ADAP1: variants seen among roughly 807,000 people sequenced by gnomAD.
ADAP1 encodes arf-GAP with dual PH domain-containing protein 1.
Under a neutral mutation model 54.9 loss-of-function variants are expected in ADAP1, and 31 were observed. The observed-to-expected ratio is 0.56, with a 90% confidence interval of 0.42 to 0.76. The LOEUF is 0.76. Ranked by LOEUF, ADAP1 falls within the 30% of genes least tolerant of loss-of-function variation. The pLI is 0.00. For missense variants in ADAP1, 535 were observed against 512.4 expected (o/e 1.04, Z -0.42); for synonymous variants, 313 against 202.6 (o/e 1.55, Z -4.63).
In ADAP1 at chr7:898,755, G is replaced by A; in HGVS notation, c.*166C>T. Reference sequence around the variant, plus strand: ...CTGGGCTGCCTGCCTTGAGGTTCCAGAGAAGCATCCTGGAAGCTGAAGCTC... The same window carrying A: ...CTGGGCTGCCTGCCTTGAGGTTCCAAAGAAGCATCCTGGAAGCTGAAGCTC... On this transcript the variant is annotated 3_prime_UTR_variant, in exon 11 of 11. Coordinates refer to ENST00000265846, the MANE Select transcript of ADAP1 (RefSeq NM_006869.4). 6 of 871,616 alleles carry A rather than the reference G, an allele frequency of 6.9e-6. No homozygotes were observed. The highest frequency in any genetic ancestry group is 1.1e-5 in the Non-Finnish European group (6 of 563,624). The allele number at this position is 871,616 out of a possible 1,614,324, so 54.0% of individuals were successfully genotyped here. A position where few individuals can be genotyped will look rare whatever the true frequency, so the allele number is the denominator to read the frequency against.
At chr7:922,207 G>A (rs1294520426) in intron 3 of ADAP1, among the ~76,000 whole-genome samples, 1 of 152,296 alleles carries the variant, frequency 6.6e-6, no homozygotes, top group Non-Finnish European at 1.5e-5. Context: ...AGCCGGGACG[G>A]AGAGCCACCA....
Position 900,617 on chromosome 7 carries a change from C to T in ADAP1, c.649-1G>A. On this transcript the variant is annotated splice_acceptor_variant, in intron 6 of 10. Transcript: ENST00000265846. LOFTEE classifies it high-confidence loss of function. ...GTGCATTGAACCAGTCCACAATCTC[C>T]TAGGGGCAAAGGTGGGCACAGGCTT... 6.8e-7 allele frequency: 1 copy of T among 1,481,458 alleles called. No homozygotes were observed. Among genetic ancestry groups the T allele is most frequent in the Non-Finnish European group, 9.1e-7 (1 of 1,101,954 alleles). 91.8% of individuals were successfully genotyped at this position (1,481,458 alleles called of 1,614,324 possible). A position where few individuals can be genotyped will look rare whatever the true frequency, so the allele number is the denominator to read the frequency against.
In ADAP1 at chr7:898,735, C is replaced by G; in HGVS notation, c.*186G>C. 2 of 725,778 alleles carry G rather than the reference C, an allele frequency of 2.8e-6. No individual in the cohort carries two copies. The highest frequency in any genetic ancestry group is 1.8e-5 in the African/African-American group (1 of 56,798). The allele number at this position is 725,778 out of a possible 1,614,324, so 45.0% of individuals were successfully genotyped here. A position where few individuals can be genotyped will look rare whatever the true frequency, so the allele number is the denominator to read the frequency against. On this transcript the variant is annotated 3_prime_UTR_variant, in exon 11 of 11. Transcript: ENST00000265846. The stretch of plus-strand genomic sequence containing the variant: ...TTAGAGATCAGGCCCAGGGCCTGGG[C>G]TGCCTGCCTTGAGGTTCCAGAGAAG...
chr7:951,781 A>T (rs895389385), intron 1 of ADAP1, among the ~76,000 whole-genome samples: 1 of 152,236 alleles, frequency 6.6e-6, no homozygotes, highest in African/African-American at 2.4e-5. Flanking sequence ...CCGGGGCATC[A>T]GATGGCCTGA....
chr7:910,431 T>C (rs1416043705), intron 4 of ADAP1, among the ~76,000 whole-genome samples: 2 of 152,108 alleles, frequency 1.3e-5, no homozygotes, highest in Non-Finnish European at 2.9e-5. Context: ...TGTATTTTTT[T>C]GTAGAGATGG....
intron 3 of ADAP1, chr7:923,068 C>G (rs1846247879): frequency 6.6e-6 from 1 of 152,184 alleles, no homozygotes; most frequent in African/African-American, 2.4e-5. Flanking sequence ...AATTAGGACA[C>G]AGACAGGTAC....
Position 900,704 on chromosome 7 carries a change from C to CCCCACAGAGGGGCT in ADAP1, c.649-89_649-88insAGCCCCTCTGTGGG, listed in dbSNP as rs1844758428. Reference sequence around the variant, plus strand: ...GGGGCTGGGGTCCCCACAGAGGGGCCGCTTCCCCCAGAGCCCAGCCCCTTC... The same window carrying CCCCACAGAGGGGCT: ...GGGGCTGGGGTCCCCACAGAGGGGCCCCCACAGAGGGGCTGCTTCCCCCAGAGCCCAGCCCCTTC... On this transcript the variant is annotated intron_variant, in intron 6 of 10. Coordinates refer to ENST00000265846, the MANE Select transcript of ADAP1 (RefSeq NM_006869.4). The CCCCACAGAGGGGCT allele has an allele frequency of 1.0e-5, 9 of 887,546 alleles. No homozygotes were observed. The East Asian group carries it at 2.4e-4, about 24-fold the overall frequency. 55.0% of individuals were successfully genotyped at this position (887,546 alleles called of 1,614,324 possible).
At position 926,624 on chromosome 7, in the gene ADAP1, G is replaced by A. The variant is rs142995759; in HGVS notation, c.234C>T (p.Asn78=). The A allele has an allele frequency of 1.6e-3, 2,492 of 1,543,436 alleles. 18 individuals carry two copies. The highest frequency in any genetic ancestry group is 0.016 in the Middle Eastern group (94 of 5,954). ...ACTCAAACCTGGCTCTCGCGGCGTC[G>A]TTCCCGTGGGAGGCCATGAACTGCA... is the stretch of plus-strand genomic sequence containing the variant. The part of the protein sequence containing the change: ...AQVEFMASHG[N]DAARARFESK... The change falls in exon 3 of 11, where the codon AAC becomes AAT. Residue 78 remains asparagine (N), a synonymous_variant. Transcript: ENST00000265846. This position sits in a 1 kb window ranked among gnomAD's most constrained non-coding sequence, Gnocchi z 4.6.
rs79944617 is a variant in ADAP1 at position 946,291 on chromosome 7, T to C, written c.82+8105A>G. 0.023 allele frequency among the ~76,000 whole-genome samples: 3,529 copies of C among 152,222 alleles called. 145 individuals carry two copies. Among genetic ancestry groups the C allele is most frequent in the East Asian group, 0.22 (1,124 of 5,144 alleles). On this transcript the variant is annotated intron_variant, in intron 1 of 10. Transcript: ENST00000265846. The surrounding 1 kb of genome is among the most constrained non-coding windows in gnomAD (Gnocchi z 4.3). ...TCCCCGCCAGCGAGGCAGTGACCTC[T>C]GGAGCTCCTGGGTGGGCTGGCAGCC...
chr7:924,523 GCAGGTCCACACTGCACCCCCTGCCCTC>G (rs1462883144), intron 3 of ADAP1, among the ~76,000 whole-genome samples: 4 of 108,722 alleles, frequency 3.7e-5, no homozygotes, highest in South Asian at 3.5e-4. Flanking sequence ...AGATTACACA[GCAGGTCCACACTGCACCCCCTGCCCTC>G]CAGGTCCACG....
At chr7:953,506 ACCG>A (rs1325934516) in intron 1 of ADAP1, among the ~76,000 whole-genome samples, 1 of 152,060 alleles carries the variant, frequency 6.6e-6, no homozygotes, top group Non-Finnish European at 1.5e-5. Flanking sequence ...GGCCTCAGTC[ACCG>A]CCGGTGAGTT....
chr7:949,308 T>G (rs971166540), intron 1 of ADAP1, among the ~76,000 whole-genome samples: 3 of 152,368 alleles, frequency 2.0e-5, no homozygotes, highest in African/African-American at 7.2e-5. Flanking sequence ...CTCAGCCACC[T>G]TGGACCCCAC....
At chr7:914,110 C>T (rs564138805) in intron 4 of ADAP1, among the ~76,000 whole-genome samples, 52 of 152,350 alleles carry the variant, frequency 3.4e-4, no homozygotes, top group African/African-American at 1.3e-3. Context: ...CCACCCACAG[C>T]CAAGGTGCAG....
Position 926,007 on chromosome 7 carries a change from G to A in ADAP1, c.305+546C>T, listed in dbSNP as rs3757854. ...GTGGTTGTCACCTCTCATTCCCACC[G>A]TCCGGGCAGATGGGGAGACTGAGGC... On this transcript the variant is annotated intron_variant, in intron 3 of 10. Coordinates refer to ENST00000265846, the MANE Select transcript of ADAP1 (RefSeq NM_006869.4). The surrounding 1 kb of genome is among the most constrained non-coding windows in gnomAD (Gnocchi z 4.6). Among the ~76,000 whole-genome samples, 61,332 of 151,946 alleles carry A rather than the reference G, an allele frequency of 0.4. 12,711 individuals carry two copies. Among genetic ancestry groups the A allele is most frequent in the Non-Finnish European group, 0.45 (30,457 of 67,904 alleles).
chr7:900,898 C>T (rs896951015), intron 6 of ADAP1: 19 of 577,110 alleles, frequency 3.3e-5, no homozygotes, highest in Non-Finnish European at 4.7e-5. Flanking sequence ...CGGGCCGGGC[C>T]GGGCTGGACA....
chr7:901,899 G>T (rs1261070280), intron 6 of ADAP1, among the ~76,000 whole-genome samples: 1 of 151,894 alleles, frequency 6.6e-6, no homozygotes, highest in Non-Finnish European at 1.5e-5. Flanking sequence ...CCCCGGAAAT[G>T]CAGGGGGCTC....
At chr7:906,805 TG>T (rs57333803) in intron 4 of ADAP1, among the ~76,000 whole-genome samples, 13,750 of 40,284 alleles carry the variant, frequency 0.34, 1,711 homozygotes, top group African/African-American at 0.39. Flanking sequence ...ACAGGGGACA[TG>T]GGGGGACATG....
At chr7:900,660 G>C (rs1002442716) in intron 6 of ADAP1, 44 bp from the exon 7 acceptor site, 20 of 1,395,160 alleles carry the variant, frequency 1.4e-5, no homozygotes, top group Middle Eastern at 2.2e-4. Context: ...GGAGGCTGCA[G>C]CGCTGGGGTC....
chr7:941,726 A>G (rs180966730), intron 1 of ADAP1, among the ~76,000 whole-genome samples: 68 of 152,350 alleles, frequency 4.5e-4, no homozygotes, highest in African/African-American at 1.6e-3. Flanking sequence ...TTCTCTCCAA[A>G]TTATAGATTC....
Sources: allele counts gnomAD v4.1 joint callset (sites outside exome capture counted in the v4.1 genomes callset), GRCh38; gene constraint gnomAD v4.1.1; non-coding constraint Gnocchi (gnomAD v3.1); transcripts MANE v1.5; gene names NCBI Gene and HGNC (gene_info 2026-07-23, HGNC 2026-07-21).